The following DEPTOR variants were observed in gnomAD, a reference collection of about 807,000 sequenced individuals.
DEPTOR encodes DEP domain-containing mTOR-interacting protein.
A neutral mutation model predicts 41.6 loss-of-function variants in DEPTOR; 41 were observed. The observed-to-expected ratio is 0.98, with a 90% confidence interval of 0.77 to 1.28. DEPTOR has a LOEUF of 1.28. Ranked by LOEUF, DEPTOR falls within the 50% of genes most tolerant of loss-of-function variation. The probability of loss-of-function intolerance (pLI) is 0.00; values close to 1 mark genes in which losing one functional copy is unlikely to be tolerated. For missense variants in DEPTOR, 514 were observed against 527.9 expected, an observed-to-expected ratio of 0.97 and a Z score of 0.26; for synonymous variants, 195 against 192.3, an observed-to-expected ratio of 1.01 and a Z score of -0.12.
chr8:119,983,497 G>A (rs1008646764), intron 4 of DEPTOR, among the ~76,000 whole-genome samples: 2 of 152,096 alleles, frequency 1.3e-5, no homozygotes, highest in Non-Finnish European at 2.9e-5. Flanking sequence ...CGATTCTCCT[G>A]CCTTAGCCTG....
intron 3 of DEPTOR, among the ~76,000 whole-genome samples, chr8:119,935,410 G>A (rs1828097874): frequency 1.3e-5 from 2 of 152,070 alleles, no homozygotes; most frequent in South Asian, 4.1e-4. Context: ...AACTTGATTG[G>A]CAAAATAGAT....
chr8:119,989,548 A>C (rs560364076), intron 4 of DEPTOR, among the ~76,000 whole-genome samples: 3 of 152,236 alleles, frequency 2.0e-5, no homozygotes, highest in South Asian at 2.1e-4. Context: ...TACATGGGCA[A>C]GTTTGCCTTG....
At position 119,957,420 on chromosome 8, in the gene DEPTOR, G is replaced by A. The variant is rs550195433; in HGVS notation, c.426-7812G>A. On this transcript the variant is annotated intron_variant, in intron 3 of 8. Coordinates refer to ENST00000286234, the MANE Select transcript of DEPTOR (RefSeq NM_022783.4). ...TACATGGTCCAGATTTGTAGGAATT[G>A]CAGATTTCTTAGAGAAAGTGATATC... Among the ~76,000 whole-genome samples the A allele has an allele frequency of 1.6e-3, 251 of 152,236 alleles. 1 individual carries two copies. The highest frequency in any genetic ancestry group is 5.9e-3 in the African/African-American group (247 of 41,550).
At chr8:119,939,203 T>C (rs1380337281) in intron 3 of DEPTOR, among the ~76,000 whole-genome samples, 1 of 152,030 alleles carries the variant, frequency 6.6e-6, no homozygotes, top group East Asian at 1.9e-4. Context: ...TGTCAAAGAG[T>C]GTGCTTGCAT....
intron 8 of DEPTOR, among the ~76,000 whole-genome samples, chr8:120,023,788 G>A (rs531422727): frequency 1.2e-3 from 167 of 137,372 alleles, no homozygotes; most frequent in African/African-American, 4.1e-3. Context: ...CATGGTTTCA[G>A]TCACCTATTT....
intron 1 of DEPTOR, among the ~76,000 whole-genome samples, chr8:119,877,270 C>A (rs1044140602): frequency 6.6e-6 from 1 of 152,190 alleles, no homozygotes; most frequent in Non-Finnish European, 1.5e-5. Context: ...ACTGTTTTGG[C>A]ACTGTAACTA....
chr8:119,954,900 C>T (rs1828399360), intron 3 of DEPTOR, among the ~76,000 whole-genome samples: 2 of 151,368 alleles, frequency 1.3e-5, no homozygotes, highest in Non-Finnish European at 1.5e-5. Context: ...GCTCTGTTGC[C>T]CAGACTGGAG....
At chr8:119,905,632 CTTT>C (rs35630187) in intron 1 of DEPTOR, among the ~76,000 whole-genome samples, 67,653 of 136,488 alleles carry the variant, frequency 0.5, 17,329 homozygotes, top group East Asian at 0.89. Flanking sequence ...TTTATATGGG[CTTT>C]TTTTTTTTTT....
chr8:119,965,687 C>T (rs1428143727), intron 4 of DEPTOR, among the ~76,000 whole-genome samples: 1 of 152,124 alleles, frequency 6.6e-6, no homozygotes, highest in Admixed American at 6.6e-5. Flanking sequence ...TCTTATAGCG[C>T]TTCCAAAAGT....
chr8:119,941,646 G>C (rs1213515381), intron 3 of DEPTOR, among the ~76,000 whole-genome samples: 1 of 152,104 alleles, frequency 6.6e-6, no homozygotes, highest in Non-Finnish European at 1.5e-5. Flanking sequence ...AGCAAACCCA[G>C]GGCGAGTAGC....
intron 1 of DEPTOR, among the ~76,000 whole-genome samples, chr8:119,882,338 C>T (rs1226843114): frequency 6.6e-6 from 1 of 151,778 alleles, no homozygotes; most frequent in East Asian, 1.9e-4. Flanking sequence ...TGTGTTATTT[C>T]TTTTTTAATT....
chr8:119,944,119 C>T (rs571274543), intron 3 of DEPTOR, among the ~76,000 whole-genome samples: 1 of 152,258 alleles, frequency 6.6e-6, no homozygotes, highest in African/African-American at 2.4e-5. Context: ...GGATTACAGG[C>T]GTTAGCCACC....
intron 1 of DEPTOR, among the ~76,000 whole-genome samples, chr8:119,912,651 T>C (rs1446017790): frequency 6.6e-6 from 1 of 152,188 alleles, no homozygotes; most frequent in Non-Finnish European, 1.5e-5. Flanking sequence ...GAACTGAAAA[T>C]AGATGATCAT....
chr8:119,974,235 T>TAAAAAAAAA (rs35885551), intron 4 of DEPTOR, among the ~76,000 whole-genome samples: 2 of 74,850 alleles, frequency 2.7e-5, no homozygotes, highest in Non-Finnish European at 5.0e-5. Flanking sequence ...CTTGTCTCTT[T>TAAAAAAAAA]AAAAAAAAAA....
chr8:120,011,909 C>G (rs1268060812), intron 8 of DEPTOR, among the ~76,000 whole-genome samples: 2 of 152,122 alleles, frequency 1.3e-5, no homozygotes, highest in African/African-American at 4.8e-5. Context: ...ATTAGAGCAG[C>G]CTTTCCATCA....
intron 8 of DEPTOR, among the ~76,000 whole-genome samples, chr8:120,023,973 C>T (rs931435176): frequency 1.2e-4 from 18 of 152,024 alleles, no homozygotes; most frequent in Non-Finnish European, 7.4e-5. Context: ...TGGTTGTTCA[C>T]GCCTGTAATC....
Position 120,049,813 on chromosome 8 carries a change from G to A in DEPTOR, c.*109G>A, listed in dbSNP as rs1179248821. On this transcript the variant is annotated 3_prime_UTR_variant, in exon 9 of 9. Transcript: ENST00000286234. The stretch of plus-strand genomic sequence containing the variant: ...TGCAAATGGATGGTTTTGGACATAC[G>A]AGTCTTCTCCGCACATACATGTCTA... 5.6e-6 allele frequency: 8 copies of A among 1,421,178 alleles called. No homozygotes were observed. The African/African-American group carries it at 5.6e-5, about 10-fold the overall frequency. 88.0% of individuals were successfully genotyped at this position (1,421,178 alleles called of 1,614,324 possible).
intron 6 of DEPTOR, among the ~76,000 whole-genome samples, chr8:120,004,247 T>G (rs1054914420): frequency 2.0e-5 from 3 of 152,248 alleles, no homozygotes; most frequent in African/African-American, 7.2e-5. Flanking sequence ...TTTCCTGATC[T>G]AACTTTTTTT....
chr8:120,008,968 G>C (rs1447510132), intron 7 of DEPTOR, 61 bp from the exon 8 acceptor site: 15 of 1,541,434 alleles, frequency 9.7e-6, no homozygotes, highest in Middle Eastern at 1.7e-4. Context: ...CTCTCCCTCA[G>C]AAGAATAAGC....
Sources: gnomAD v4.1 joint callset for allele counts (sites outside exome capture counted in the v4.1 genomes callset) on GRCh38, gnomAD v4.1.1 for gene constraint, MANE v1.5 for transcripts, NCBI Gene and HGNC (gene_info 2026-07-23, HGNC 2026-07-21) for gene names.